Variants in RTL4 observed in about 807,000 individuals in gnomAD.
The protein encoded by RTL4 is retrotransposon Gag like 4.
In RTL4, 4 loss-of-function variants were observed where a neutral mutation model predicts 5.3. The ratio of observed to expected loss-of-function variants is 0.75; its 90% CI spans 0.37 to 1.72. The LOEUF is 1.72. Ranked by LOEUF, RTL4 falls within the 40% of genes most tolerant of loss-of-function variation. The pLI is 0.04. For synonymous variants in RTL4, 98 were observed against 87.3 expected (o/e 1.12, Z -0.68); for missense variants, 260 against 227.1 (o/e 1.14, Z -0.93).
chrX:112,309,761 C>T, the RTL4 span, among the ~76,000 whole-genome samples: 11 of 108,667 alleles, frequency 1.0e-4, no homozygotes, highest in East Asian at 1.8e-3. Context: ...CCTCCATGGC[C>T]GGCTATATGT....
chrX:112,286,080 A>G, the RTL4 span, among the ~76,000 whole-genome samples: 1 of 111,734 alleles, frequency 8.9e-6, no homozygotes, highest in East Asian at 2.8e-4. Flanking sequence ...GGAGATAGAG[A>G]GTGATGGGGA....
the RTL4 span, among the ~76,000 whole-genome samples, chrX:112,367,000 G>A: frequency 6.7e-4 from 75 of 111,476 alleles, no homozygotes; most frequent in Non-Finnish European, 1.1e-3. Flanking sequence ...AGCTTCTCCT[G>A]CCTGGAGCGC....
At chrX:112,190,139 CCTTTCTTTCTTTCTTTCTTTCTTT>C in the RTL4 span, among the ~76,000 whole-genome samples, 128 of 77,155 alleles carry the variant, frequency 1.7e-3, 2 homozygotes, top group Middle Eastern at 0.013. Flanking sequence ...GTAGCCTGTC[CCTTTCTTTCTTTCTTTCTTTCTTT>C]CTTTCTTTCT....
the RTL4 span, among the ~76,000 whole-genome samples, chrX:112,203,469 T>C: frequency 9.0e-6 from 1 of 111,568 alleles, no homozygotes; most frequent in Non-Finnish European, 1.9e-5. Flanking sequence ...TTTTATGCCC[T>C]AGTGTCCAAG....
chrX:112,324,115 G>A, the RTL4 span, among the ~76,000 whole-genome samples: 1 of 111,840 alleles, frequency 8.9e-6, no homozygotes, highest in Non-Finnish European at 1.9e-5. Flanking sequence ...TCCAAGTGAT[G>A]GTAATCTTTA....
the RTL4 span, among the ~76,000 whole-genome samples, chrX:112,093,655 A>T: frequency 8.9e-6 from 1 of 112,092 alleles, no homozygotes; most frequent in African/African-American, 3.2e-5. Flanking sequence ...TAGTAATTTA[A>T]ATACTGTATG....
the RTL4 span, among the ~76,000 whole-genome samples, chrX:112,401,600 C>G: frequency 1.0e-5 from 1 of 98,786 alleles, no homozygotes; most frequent in Non-Finnish European, 2.0e-5. Flanking sequence ...TGAATACCCT[C>G]TTTAGAAAAA....
At chrX:112,142,315 G>T in the RTL4 span, among the ~76,000 whole-genome samples, 10 of 112,543 alleles carry the variant, frequency 8.9e-5, no homozygotes, top group South Asian at 3.3e-3. Context: ...CCTGTCCTCA[G>T]TGTGTCTGTC....
chrX:112,248,959 G>A, the RTL4 span, among the ~76,000 whole-genome samples: 26 of 112,558 alleles, frequency 2.3e-4, no homozygotes, highest in African/African-American at 8.4e-4. Flanking sequence ...TATTCTGCCT[G>A]ATGATCTATT....
At chrX:112,390,153 ATATATATT>A in the RTL4 span, among the ~76,000 whole-genome samples, 23 of 52,274 alleles carry the variant, frequency 4.4e-4, no homozygotes, top group Non-Finnish European at 6.1e-4. Context: ...ATATATATAT[ATATATATT>A]TAGGATCGTG....
At chrX:112,098,830 T>A in the RTL4 span, among the ~76,000 whole-genome samples, 4 of 112,036 alleles carry the variant, frequency 3.6e-5, no homozygotes, top group Admixed American at 1.9e-4. Flanking sequence ...TGGCTAGCCA[T>A]ATGTAGAAAG....
the RTL4 span, among the ~76,000 whole-genome samples, chrX:112,197,921 G>A: frequency 5.4e-5 from 6 of 111,719 alleles, no homozygotes; most frequent in African/African-American, 1.6e-4. Context: ...TTCTGTAGAC[G>A]TCATTTTTAT....
the RTL4 span, among the ~76,000 whole-genome samples, chrX:112,092,950 C>T: frequency 2.7e-5 from 3 of 110,963 alleles, no homozygotes; most frequent in African/African-American, 9.8e-5. Flanking sequence ...GACTAATACA[C>T]CAGAAAATTC....
chrX:112,416,395 G>A, the RTL4 span, among the ~76,000 whole-genome samples: 2 of 112,017 alleles, frequency 1.8e-5, no homozygotes, highest in Non-Finnish European at 3.8e-5. Flanking sequence ...CATCATAGTG[G>A]ATAAAAAGTT....
At chrX:112,169,490 C>T in the RTL4 span, among the ~76,000 whole-genome samples, 2 of 111,073 alleles carry the variant, frequency 1.8e-5, no homozygotes, top group East Asian at 5.7e-4. Context: ...ATAAAACTGC[C>T]ATGTTGGTAT....
the RTL4 span, among the ~76,000 whole-genome samples, chrX:112,241,182 T>C: frequency 2.7e-5 from 3 of 109,872 alleles, no homozygotes; most frequent in Non-Finnish European, 5.8e-5. Context: ...TATATAAATA[T>C]AATCAAATCC....
the RTL4 span, among the ~76,000 whole-genome samples, chrX:112,250,129 A>G: frequency 9.1e-6 from 1 of 109,810 alleles, no homozygotes; most frequent in African/African-American, 3.3e-5. Context: ...AATACAAAAA[A>G]TTAGCTGGGC....
chrX:112,426,644 G>A, the RTL4 span, among the ~76,000 whole-genome samples: 7 of 111,136 alleles, frequency 6.3e-5, no homozygotes, highest in South Asian at 3.8e-4. Flanking sequence ...CAGTGTAAAC[G>A]GCAATGTGTT....
At chrX:112,084,120 C>T in the RTL4 span, among the ~76,000 whole-genome samples, 3 of 110,957 alleles carry the variant, frequency 2.7e-5, no homozygotes, top group Non-Finnish European at 5.7e-5. Flanking sequence ...TGTAAGCTCC[C>T]GAAAATGCCA....
Sources: gnomAD v4.1 joint callset for allele counts (sites outside exome capture counted in the v4.1 genomes callset) on GRCh38, gnomAD v4.1.1 for gene constraint, MANE v1.5 for transcripts, NCBI Gene and HGNC (gene_info 2026-07-23, HGNC 2026-07-21) for gene names.